The following SESN3 variants were observed in gnomAD, a reference collection of about 807,000 sequenced individuals.
SESN3 encodes the protein sestrin 3.
Under a neutral mutation model 55.3 loss-of-function variants are expected in SESN3, and 21 were observed. The observed-to-expected ratio is 0.38, with a 90% confidence interval of 0.27 to 0.55. The LOEUF (loss-of-function observed/expected upper bound fraction) is 0.55, where lower values mean the gene tolerates loss of function less well. SESN3 is among the 20% of genes least tolerant of loss of function. SESN3 has a pLI of 0.76. For missense variants in SESN3, 408 were observed against 604.3 expected (o/e 0.68, Z 3.41); for synonymous variants, 181 against 203.1 (o/e 0.89, Z 0.93).
chr11:95,230,376 G>A lies in SESN3; in HGVS notation c.78+407C>T, dbSNP rs1861032322. The A allele has an allele frequency of 5.9e-5, 10 of 170,130 alleles. No individual in the cohort carries two copies. In the South Asian group the frequency reaches 6.5e-4, roughly 11 times the overall value. The allele number at this position is 170,130 out of a possible 1,614,324, so 10.5% of individuals were successfully genotyped here. On this transcript the variant is annotated intron_variant, in intron 1 of 9. Transcript: ENST00000536441. The surrounding 1 kb of genome is among the most constrained non-coding windows in gnomAD (Gnocchi z 4.6). Reference sequence around the variant, plus strand: ...CAGCAAAGAGGGGCCAGGTTCCTCGGGATCCGACCCAGCTGCTCTGATTTC... The same window carrying A: ...CAGCAAAGAGGGGCCAGGTTCCTCGAGATCCGACCCAGCTGCTCTGATTTC...
intron 7 of SESN3, among the ~76,000 whole-genome samples, chr11:95,178,284 A>G (rs1859995919): frequency 6.6e-6 from 1 of 152,344 alleles, no homozygotes; most frequent in East Asian, 1.9e-4. Context: ...TGAGTTTGTC[A>G]TAATTCAATC....
intron 1 of SESN3, among the ~76,000 whole-genome samples, chr11:95,204,489 C>A (rs1051696268): frequency 6.6e-5 from 10 of 151,790 alleles, no homozygotes; most frequent in East Asian, 1.9e-4. Context: ...TGTCCCCCCC[C>A]TCAAAATTCG....
chr11:95,224,352 A>G (rs1164543690), intron 1 of SESN3: 2 of 363,388 alleles, frequency 5.5e-6, no homozygotes, highest in African/African-American at 4.3e-5. Flanking sequence ...TCTGATAAAC[A>G]TTTCCTCAAA....
At chr11:95,197,342 C>T (rs1373565243) in intron 1 of SESN3, among the ~76,000 whole-genome samples, 1 of 152,062 alleles carries the variant, frequency 6.6e-6, no homozygotes, top group Non-Finnish European at 1.5e-5. Flanking sequence ...TAGATCACAG[C>T]TGAGATTCTC....
chr11:95,189,736 G>A, intron 4 of SESN3, 43 bp downstream of exon 4: 1 of 1,431,112 alleles, frequency 7.0e-7, no homozygotes, highest in Non-Finnish European at 9.5e-7. Context: ...TTAAAATTAA[G>A]TCCTAAGCAA....
intron 1 of SESN3, among the ~76,000 whole-genome samples, chr11:95,200,357 T>C (rs1428026354): frequency 1.3e-5 from 2 of 152,070 alleles, no homozygotes; most frequent in South Asian, 4.1e-4. Context: ...ATCCAAGAGA[T>C]AATTTTTAAA....
chr11:95,175,360 A>C (rs1016867057), intron 9 of SESN3, 138 bp downstream of exon 9: 4 of 716,198 alleles, frequency 5.6e-6, no homozygotes, highest in Admixed American at 5.9e-5. Context: ...AAGCAAAAAA[A>C]CCCCAGATAG....
Position 95,177,841 on chromosome 11 carries a change from A to G in SESN3, c.1125T>C (p.Leu375=). 6.2e-7 allele frequency: 1 copy of G among 1,607,880 alleles called. No homozygotes were observed. The highest frequency in any genetic ancestry group is 8.5e-7 in the Non-Finnish European group (1 of 1,178,274). ...NRLYSDIGHL[L]DEKFRMVYNL... ...TGTAGACCATCCGAAACTTTTCATC[A>G]AGAAGATGTCCAATGTCAGAATAAA... The change falls in exon 8 of 10, where the codon CTT becomes CTC. Residue 375 remains leucine, a synonymous_variant. Transcript: ENST00000536441.
At position 95,190,688 on chromosome 11, in the gene SESN3, G is replaced by A. The variant is rs151284898; in HGVS notation, c.342+716C>T. ...CTTTTTGTTGTTGTGTAAAAGTTCA[G>A]TGAGACTATAAAAAAGACAATCAAA... On this transcript the variant is annotated intron_variant, in intron 3 of 9. Transcript: ENST00000536441. 3.9e-4 allele frequency among the ~76,000 whole-genome samples: 60 copies of A among 152,052 alleles called. 1 individual carries two copies. The highest frequency in any genetic ancestry group is 1.2e-3 in the African/African-American group (48 of 41,500).
At chr11:95,227,949 C>A (rs1860978245) in intron 1 of SESN3, among the ~76,000 whole-genome samples, 1 of 152,084 alleles carries the variant, frequency 6.6e-6, no homozygotes, top group South Asian at 2.1e-4. Context: ...ACCTCATTGA[C>A]AATAGAGCAA....
intron 1 of SESN3, among the ~76,000 whole-genome samples, chr11:95,212,638 C>T (rs1834376441): frequency 1.3e-5 from 2 of 152,202 alleles, no homozygotes; most frequent in South Asian, 4.2e-4. Flanking sequence ...AGGAAACAAA[C>T]TAATATTCTG....
intron 6 of SESN3, among the ~76,000 whole-genome samples, chr11:95,181,487 T>A (rs537961798): frequency 1.3e-5 from 2 of 152,230 alleles, no homozygotes; most frequent in South Asian, 4.1e-4. Context: ...TAATTCTATC[T>A]AAACAAATAT....
chr11:95,231,315 A>G (rs945613613), upstream of SESN3: 10 of 389,372 alleles, frequency 2.6e-5, no homozygotes, highest in South Asian at 1.3e-4. Flanking sequence ...GCAGCCAATG[A>G]GCAACGAGAG....
At chr11:95,198,432 A>AT (rs1860403464) in intron 1 of SESN3, among the ~76,000 whole-genome samples, 1 of 151,326 alleles carries the variant, frequency 6.6e-6, no homozygotes, top group African/African-American at 2.4e-5. Context: ...GGATTGCTCT[A>AT]TGCTATAAGT....
rs958510466 is a variant in SESN3 at position 95,170,888 on chromosome 11, A to G, written c.*2367T>C. The G allele has an allele frequency of 1.3e-5, 2 of 152,218 alleles. No homozygotes were observed. The highest frequency in any genetic ancestry group is 4.8e-5 in the African/African-American group (2 of 41,454). 9.4% of individuals were successfully genotyped at this position (152,218 alleles called of 1,614,324 possible). On this transcript the variant is annotated 3_prime_UTR_variant, in exon 10 of 10. Coordinates refer to ENST00000536441, the MANE Select transcript of SESN3 (RefSeq NM_144665.4). Reference sequence around the variant, plus strand: ...AGAAACTTTGCAAGGAAAGAGATCTATTAAAGGCACTAATATTTCCATAGC... The same window carrying G: ...AGAAACTTTGCAAGGAAAGAGATCTGTTAAAGGCACTAATATTTCCATAGC...
intron 1 of SESN3, among the ~76,000 whole-genome samples, chr11:95,217,509 G>A (rs890761634): frequency 1.3e-4 from 19 of 151,986 alleles, no homozygotes; most frequent in South Asian, 6.3e-4. Flanking sequence ...AAAATTAGCC[G>A]GGCACGGTGG....
chr11:95,173,118 C>CAAAAAA lies in SESN3; in HGVS notation c.*131_*136dup. 2.2e-5 allele frequency: 9 copies of CAAAAAA among 417,042 alleles called. No individual in the cohort carries two copies. The highest frequency in any genetic ancestry group is 6.8e-5 in the East Asian group (2 of 29,552). 25.8% of individuals were successfully genotyped at this position (417,042 alleles called of 1,614,324 possible). A position where few individuals can be genotyped will look rare whatever the true frequency, so the allele number is the denominator to read the frequency against. ...CATTGCACATTACAGCCGCAAAAAA[C>CAAAAAA]AAAAAAAAAAAAACAAACGGCTAAA... On this transcript the variant is annotated 3_prime_UTR_variant, in exon 10 of 10. Coordinates refer to ENST00000536441, the MANE Select transcript of SESN3 (RefSeq NM_144665.4).
At chr11:95,192,238 G>A (rs1031407358) in intron 2 of SESN3, among the ~76,000 whole-genome samples, 10 of 151,906 alleles carry the variant, frequency 6.6e-5, no homozygotes, top group Non-Finnish European at 1.0e-4. Flanking sequence ...CTCCATCCTA[G>A]GAAATCAAAA....
Position 95,231,161 on chromosome 11 carries a change from A to ACCGCTG in SESN3, c.-307_-302dup, listed in dbSNP as rs1420154573. The ACCGCTG allele has an allele frequency of 2.9e-5, 7 of 240,494 alleles. No homozygotes were observed. The highest frequency in any genetic ancestry group is 1.4e-4 in the African/African-American group (4 of 28,446). 14.9% of individuals were successfully genotyped at this position (240,494 alleles called of 1,614,324 possible). A position where few individuals can be genotyped will look rare whatever the true frequency, so the allele number is the denominator to read the frequency against. ...CGCCAGGCTAGGACGAGCAGCCGCC[A>ACCGCTG]CCGCTGCCACCGCCACCACCGCCGC... On this transcript the variant is annotated 5_prime_UTR_variant, in exon 1 of 10. Coordinates refer to ENST00000536441, the MANE Select transcript of SESN3 (RefSeq NM_144665.4).
Sources: gnomAD v4.1 joint callset for allele counts (sites outside exome capture counted in the v4.1 genomes callset) on GRCh38, gnomAD v4.1.1 for gene constraint, Gnocchi (gnomAD v3.1) non-coding constraint, MANE v1.5 for transcripts, NCBI Gene and HGNC (gene_info 2026-07-23, HGNC 2026-07-21) for gene names.